PRSS3: variants seen among roughly 807,000 people sequenced by gnomAD.
PRSS3 encodes trypsin-3.
PRSS3 carries 14 observed loss-of-function variants against 20.8 expected under a neutral mutation model. That is an observed-to-expected ratio of 0.67 (90% CI 0.44 to 1.05). The LOEUF is 1.05. PRSS3 is among the 50% of genes least tolerant of loss of function. The pLI is 0.00. For missense variants in PRSS3, 237 were observed against 306.4 expected (o/e 0.77, Z 1.69); for synonymous variants, 91 against 117.6 (o/e 0.77, Z 1.46).
chr9:33,750,831 C>T lies in PRSS3; in HGVS notation c.-53+104C>T. ...CTGTGATGGAGAGGGGGTTCCGACT[C>T]GCATGGGACCTGCGGGGGAGGGTAC... On this transcript the variant is annotated intron_variant, in intron 1 of 5. Coordinates refer to the PRSS3 transcript ENST00000342836. The surrounding 1 kb of genome is among the most constrained non-coding windows in gnomAD (Gnocchi z 4.8). The T allele has an allele frequency of 7.2e-7, 1 of 1,383,518 alleles. No homozygotes were observed. The highest frequency in any genetic ancestry group is 9.3e-7 in the Non-Finnish European group (1 of 1,074,618). 85.7% of individuals were successfully genotyped at this position (1,383,518 alleles called of 1,614,324 possible). A position where few individuals can be genotyped will look rare whatever the true frequency, so the allele number is the denominator to read the frequency against.
intron 1 of PRSS3, among the ~76,000 whole-genome samples, chr9:33,782,005 T>G (rs1429091124): frequency 1.3e-5 from 2 of 152,226 alleles, no homozygotes; most frequent in African/African-American, 4.8e-5. Flanking sequence ...TGTGCATATT[T>G]ATATTGCCAG....
rs528695614 is a variant in PRSS3 at position 33,750,818 on chromosome 9, G to A, written c.-53+91G>A. On this transcript the variant is annotated intron_variant, in intron 1 of 5. Coordinates refer to the PRSS3 transcript ENST00000342836. This position sits in a 1 kb window ranked among gnomAD's most constrained non-coding sequence, Gnocchi z 4.8. The stretch of plus-strand genomic sequence containing the variant: ...CCAAGGAGCGGGGCTGTGATGGAGA[G>A]GGGGTTCCGACTCGCATGGGACCTG... 1.1e-4 allele frequency: 157 copies of A among 1,399,700 alleles called. No individual in the cohort carries two copies. In the South Asian group the frequency reaches 2.2e-3, roughly 19 times the overall value. The allele number at this position is 1,399,700 out of a possible 1,614,324, so 86.7% of individuals were successfully genotyped here.
chr9:33,755,344 G>A (rs1480830482), intron 1 of PRSS3, among the ~76,000 whole-genome samples: 1 of 152,058 alleles, frequency 6.6e-6, no homozygotes, highest in Non-Finnish European at 1.5e-5. Flanking sequence ...AGTTTATACT[G>A]AGTATAGAAC....
In PRSS3 at chr9:33,775,700, G is replaced by GTT. The variant is rs34447292; in HGVS notation, c.-52-19028_-52-19027dup. Among the ~76,000 whole-genome samples the GTT allele has an allele frequency of 2.6e-3, 335 of 128,612 alleles. 3 individuals carry two copies. Among genetic ancestry groups the GTT allele is most frequent in the Middle Eastern group, 3.9e-3 (1 of 256 alleles). 84.4% of individuals were successfully genotyped at this position (128,612 alleles called of 152,430 possible). A position where few individuals can be genotyped will look rare whatever the true frequency, so the allele number is the denominator to read the frequency against. On this transcript the variant is annotated intron_variant, in intron 1 of 5. Transcript: ENST00000342836. ...GGGCTGGAAATGCAATGGGCTTGAAGTTTTTTTTTTTTTTTTTTTGGAGAT... is the reference window on the plus strand; with the variant it reads ...GGGCTGGAAATGCAATGGGCTTGAAGTTTTTTTTTTTTTTTTTTTTTGGAGAT...
chr9:33,773,602 G>C (rs996085608), intron 1 of PRSS3, among the ~76,000 whole-genome samples: 6 of 152,210 alleles, frequency 3.9e-5, no homozygotes, highest in Admixed American at 3.9e-4. Context: ...ATTGAAATAA[G>C]AAAGTTGGGG....
At chr9:33,758,541 A>G (rs1823051596) in intron 1 of PRSS3, among the ~76,000 whole-genome samples, 1 of 152,204 alleles carries the variant, frequency 6.6e-6, no homozygotes, top group Admixed American at 6.5e-5. Context: ...AATACTAAAA[A>G]ATTTATGCTA....
Position 33,797,951 on chromosome 9 carries a change from T to A in PRSS3, c.323T>A (p.Ile108Asn), listed in dbSNP as rs867663484. The change falls in exon 3 of 5, where the codon ATC (isoleucine) becomes AAC (asparagine). Residue 108 changes from isoleucine to asparagine, a missense_variant. By Grantham distance (149) the Ile-to-Asn change is moderately radical (BLOSUM62 -3). Transcript: ENST00000379405. ...AACAGGGACACTCTGGACAATGACATCATGCTGATCAAACTCTCCTCACCT... is the reference window on the plus strand; with the variant it reads ...AACAGGGACACTCTGGACAATGACAACATGCTGATCAAACTCTCCTCACCT... ...KYNRDTLDND[I>N]MLIKLSSPAV... The A allele has an allele frequency of 6.2e-7, 1 of 1,614,238 alleles. No individual in the cohort carries two copies. The highest frequency in any genetic ancestry group is 8.5e-7 in the Non-Finnish European group (1 of 1,180,040).
At chr9:33,780,562 T>C (rs1438439491) in intron 1 of PRSS3, among the ~76,000 whole-genome samples, 1 of 152,016 alleles carries the variant, frequency 6.6e-6, no homozygotes, top group African/African-American at 2.4e-5. Context: ...TCAATACTAA[T>C]CTTGAATATA....
chr9:33,760,756 A>AAAT (rs1394273471), intron 1 of PRSS3, among the ~76,000 whole-genome samples: 2 of 151,724 alleles, frequency 1.3e-5, no homozygotes, highest in Admixed American at 1.3e-4. Context: ...AAAAAAAAAA[A>AAAT]AAAAAAAAAA....
intron 1 of PRSS3, among the ~76,000 whole-genome samples, chr9:33,785,112 T>C (rs1190771237): frequency 2.7e-5 from 4 of 148,482 alleles, no homozygotes; most frequent in Non-Finnish European, 5.9e-5. Context: ...AGTTACATGA[T>C]ACAAGAAATC....
At chr9:33,786,791 C>A in intron 1 of PRSS3, 1 of 764,932 alleles carries the variant, frequency 1.3e-6, no homozygotes, top group South Asian at 1.3e-5. Flanking sequence ...CAACAGGAGA[C>A]CTGAAGACAG....
At position 33,796,707 on chromosome 9, in the gene PRSS3, C is replaced by T; in HGVS notation, c.105C>T (p.Leu35=). ...GCTACACCTGTGAGGAGAATTCTCT[C>T]CCCTACCAGGTGTCCCTGAATTCTG... ...VGGYTCEENS[L]PYQVSLNSGS... The change falls in exon 2 of 5, where the codon CTC becomes CTT. Residue 35 remains leucine, a synonymous_variant. Coordinates refer to ENST00000379405, the MANE Select transcript of PRSS3 (RefSeq NM_002771.4). 6.2e-7 allele frequency: 1 copy of T among 1,613,930 alleles called. No homozygotes were observed. The highest frequency in any genetic ancestry group is 1.3e-5 in the African/African-American group (1 of 75,056).
At chr9:33,798,257 C>G in intron 3 of PRSS3, 175 bp downstream of exon 3, 1 of 1,387,264 alleles carries the variant, frequency 7.2e-7, no homozygotes, top group Non-Finnish European at 9.8e-7. Context: ...GACTTGGCTC[C>G]TAAAATCAAG....
intron 1 of PRSS3, among the ~76,000 whole-genome samples, chr9:33,762,970 T>C (rs1307476144): frequency 6.6e-6 from 1 of 152,206 alleles, no homozygotes; most frequent in African/African-American, 2.4e-5. Flanking sequence ...TCCAAGGTGG[T>C]ATTAATGTCC....
At chr9:33,762,038 C>T (rs2118808526) in intron 1 of PRSS3, 1 of 152,096 alleles carries the variant, frequency 6.6e-6, no homozygotes, top group South Asian at 2.1e-4. Flanking sequence ...TATCATTATC[C>T]ATTATATTAT....
At position 33,797,959 on chromosome 9, in the gene PRSS3, A is replaced by C. The variant is rs1825087897; in HGVS notation, c.331A>C (p.Ile111Leu). Residue 111 changes from isoleucine to leucine, a missense_variant, in exon 3 of 5, where the codon ATC becomes CTC. Physicochemically the swap from Ile to Leu is conservative, Grantham distance 5 (BLOSUM62 2). Coordinates refer to ENST00000379405, the MANE Select transcript of PRSS3 (RefSeq NM_002771.4). ...CACTCTGGACAATGACATCATGCTG[A>C]TCAAACTCTCCTCACCTGCCGTCAT... The part of the protein sequence containing the change: ...RDTLDNDIML[I>L]KLSSPAVINA... 1 of 1,614,132 alleles carries C rather than the reference A, an allele frequency of 6.2e-7. No individual in the cohort carries two copies. Among genetic ancestry groups the C allele is most frequent in the African/African-American group, 1.3e-5 (1 of 74,960 alleles).
chr9:33,764,571 C>T (rs987147783), intron 1 of PRSS3, among the ~76,000 whole-genome samples: 2 of 152,086 alleles, frequency 1.3e-5, no homozygotes, highest in Non-Finnish European at 2.9e-5. Context: ...AATATAAGAG[C>T]TAAAACTACA....
At chr9:33,763,886 T>G (rs1356452183) in intron 1 of PRSS3, among the ~76,000 whole-genome samples, 1 of 152,204 alleles carries the variant, frequency 6.6e-6, no homozygotes, top group Non-Finnish European at 1.5e-5. Flanking sequence ...CAGGAAGCTT[T>G]CATGACACTA....
intron 1 of PRSS3, among the ~76,000 whole-genome samples, chr9:33,754,526 A>G (rs1352712317): frequency 2.0e-5 from 3 of 152,142 alleles, no homozygotes; most frequent in Non-Finnish European, 2.9e-5. Context: ...CACGATGCCA[A>G]TACATCAAAG....
Sources: allele counts gnomAD v4.1 joint callset (sites outside exome capture counted in the v4.1 genomes callset), GRCh38; gene constraint gnomAD v4.1.1; non-coding constraint Gnocchi (gnomAD v3.1); transcripts MANE v1.5; gene names NCBI Gene and HGNC (gene_info 2026-07-23, HGNC 2026-07-21).